DYNC2I1: variants seen among roughly 807,000 people sequenced by gnomAD.
DYNC2I1 encodes cytoplasmic dynein 2 intermediate chain 1.
A neutral mutation model predicts 133.4 loss-of-function variants in DYNC2I1; 89 were observed. The ratio of observed to expected loss-of-function variants is 0.67; its 90% CI spans 0.56 to 0.80. The LOEUF (loss-of-function observed/expected upper bound fraction) is 0.80, where lower values mean the gene tolerates loss of function less well. Ranked by LOEUF, DYNC2I1 falls within the 30% of genes least tolerant of loss-of-function variation. The pLI, the probability that DYNC2I1 is intolerant of heterozygous loss-of-function variation, is 0.00. For synonymous variants in DYNC2I1, 504 were observed against 484.3 expected, an observed-to-expected ratio of 1.04 and a Z score of -0.54; for missense variants, 1,291 against 1,314.5, an observed-to-expected ratio of 0.98 and a Z score of 0.28.
chr7:158,921,603 TG>T (rs1849101013), intron 15 of DYNC2I1, among the ~76,000 whole-genome samples: 1 of 151,862 alleles, frequency 6.6e-6, no homozygotes, highest in Non-Finnish European at 1.5e-5. Flanking sequence ...TGTGACGAGG[TG>T]GAAGGAGGGT....
intron 11 of DYNC2I1, among the ~76,000 whole-genome samples, chr7:158,910,022 A>G (rs948255720): frequency 6.6e-6 from 1 of 152,068 alleles, no homozygotes; most frequent in Non-Finnish European, 1.5e-5. Context: ...CGGGTCGTTC[A>G]CTCGGTCATT....
At chr7:158,948,202 G>T (rs1361856735), downstream of DYNC2I1, among the ~76,000 whole-genome samples, 2 of 152,204 alleles carry the variant, frequency 1.3e-5, no homozygotes, top group African/African-American at 4.8e-5. Context: ...CGTGGCAAGA[G>T]GTGGGCCGAC....
chr7:158,937,470 C>G (rs1300505615), intron 23 of DYNC2I1, among the ~76,000 whole-genome samples: 1 of 151,886 alleles, frequency 6.6e-6, no homozygotes, highest in South Asian at 2.1e-4. Context: ...ACTAAAAATA[C>G]AAAAAATTAG....
downstream of DYNC2I1, among the ~76,000 whole-genome samples, chr7:158,947,841 C>T (rs895438166): frequency 1.3e-5 from 2 of 152,250 alleles, no homozygotes; most frequent in African/African-American, 4.8e-5. Flanking sequence ...GCCTCGGAAG[C>T]ACCTGTGGCC....
At chr7:158,923,245 T>C (rs116305650) in intron 16 of DYNC2I1, among the ~76,000 whole-genome samples, 25 of 152,332 alleles carry the variant, frequency 1.6e-4, no homozygotes, top group African/African-American at 5.8e-4. Context: ...TGGCGCAGGA[T>C]GGAACTGCTA....
At chr7:158,898,281 A>G (rs1428776272) in intron 8 of DYNC2I1, among the ~76,000 whole-genome samples, 2 of 152,138 alleles carry the variant, frequency 1.3e-5, no homozygotes, top group Admixed American at 6.6e-5. Context: ...GAGTTCAGCT[A>G]TATCCTTACT....
chr7:158,853,904 C>A (rs1436049779), upstream of DYNC2I1, among the ~76,000 whole-genome samples: 1 of 152,074 alleles, frequency 6.6e-6, no homozygotes, highest in Non-Finnish European at 1.5e-5. Flanking sequence ...CTGCCTGCCT[C>A]AGCCTCCCAA....
intron 23 of DYNC2I1, among the ~76,000 whole-genome samples, chr7:158,937,760 A>C (rs916520928): frequency 6.6e-6 from 1 of 152,034 alleles, no homozygotes; most frequent in Non-Finnish European, 1.5e-5. Context: ...AAAATTAAAA[A>C]ATTTGCCAAG....
At chr7:158,883,097 A>G (rs544744263) in intron 5 of DYNC2I1, among the ~76,000 whole-genome samples, 64 of 152,194 alleles carry the variant, frequency 4.2e-4, no homozygotes, top group African/African-American at 1.4e-3. Context: ...GGTTACCGTA[A>G]AGTGCAAGGT....
At chr7:158,933,934 A>T (rs566641424) in intron 21 of DYNC2I1, among the ~76,000 whole-genome samples, 195 bp from the exon 22 acceptor site, 1 of 152,376 alleles carries the variant, frequency 6.6e-6, no homozygotes, top group Admixed American at 6.5e-5. Flanking sequence ...ATTAGGGAAC[A>T]GAAGGATAAC....
At position 158,915,124 on chromosome 7, in the gene DYNC2I1, G is replaced by A. The variant is rs957749081; in HGVS notation, c.1791+803G>A. On this transcript the variant is annotated intron_variant, in intron 14 of 24. Coordinates refer to ENST00000407559, the MANE Select transcript of DYNC2I1 (RefSeq NM_018051.5). Reference sequence around the variant, plus strand: ...ACATTAAGGATGATTGTAAAACCTTGACACGCTGGTTGAGATTAAGGATGA... The same window carrying A: ...ACATTAAGGATGATTGTAAAACCTTAACACGCTGGTTGAGATTAAGGATGA... Among the ~76,000 whole-genome samples the A allele has an allele frequency of 2.1e-3, 310 of 151,122 alleles. 5 individuals carry two copies. Among genetic ancestry groups the A allele is most frequent in the African/African-American group, 6.8e-3 (277 of 40,970 alleles).
At chr7:158,921,162 A>AG (rs1849039717) in intron 15 of DYNC2I1, among the ~76,000 whole-genome samples, 1 of 152,294 alleles carries the variant, frequency 6.6e-6, no homozygotes, top group Admixed American at 6.5e-5. Context: ...AAGGAGAAAA[A>AG]TAAAGACAGT....
Position 158,922,493 on chromosome 7 carries a change from G to A in DYNC2I1, c.2038G>A (p.Val680Met). ...GCTGGACAGCAAATACGTCCTCTGTGTGTGGGATATTTGGCAGCCTTCAGG... is the reference window on the plus strand; with the variant it reads ...GCTGGACAGCAAATACGTCCTCTGTATGTGGGATATTTGGCAGCCTTCAGG... ...PLLDSKYVLCVWDIWQPSGPQ... is the reference protein window; with the variant it reads ...PLLDSKYVLCMWDIWQPSGPQ... Residue 680 changes from valine (V) to methionine (M), a missense_variant, in exon 16 of 25, where the codon GTG (valine) becomes ATG (methionine). Val to Met is a conservative substitution (Grantham distance 21, BLOSUM62 1). Coordinates refer to ENST00000407559, the MANE Select transcript of DYNC2I1 (RefSeq NM_018051.5). The A allele has an allele frequency of 6.2e-7, 1 of 1,613,988 alleles. No homozygotes were observed. The highest frequency in any genetic ancestry group is 1.1e-5 in the South Asian group (1 of 91,078).
Position 158,884,616 on chromosome 7 carries a change from G to A in DYNC2I1, c.932G>A (p.Ser311Asn), listed in dbSNP as rs764911627. The part of the protein sequence containing the change: ...GASSKRDGTS[S>N]QHAENLVRNH... Reference sequence around the variant, plus strand: ...AGCTCAAAAAGAGATGGGACCAGCAGCCAGTAAGGATTGCATGCCCTGTGG... The same window carrying A: ...AGCTCAAAAAGAGATGGGACCAGCAACCAGTAAGGATTGCATGCCCTGTGG... Residue 311 changes from serine (S) to asparagine (N), a missense_variant, in exon 6 of 25, where the codon AGC becomes AAC. Ser to Asn is a conservative substitution (Grantham distance 46, BLOSUM62 1). Transcript: ENST00000407559. 5.0e-5 allele frequency: 80 copies of A among 1,613,066 alleles called. No individual in the cohort carries two copies. The highest frequency in any genetic ancestry group is 2.1e-5 in the Non-Finnish European group (25 of 1,179,538).
chr7:158,899,251 A>G (rs1233700025), intron 8 of DYNC2I1, among the ~76,000 whole-genome samples: 1 of 152,036 alleles, frequency 6.6e-6, no homozygotes, highest in African/African-American at 2.4e-5. Context: ...TATTTTTCCA[A>G]ATATTTTTGG....
chr7:158,887,675 C>T (rs887043608), intron 7 of DYNC2I1, among the ~76,000 whole-genome samples: 1 of 152,162 alleles, frequency 6.6e-6, no homozygotes, highest in Non-Finnish European at 1.5e-5. Context: ...CAAGACATTG[C>T]GTTTGTGTTA....
chr7:158,869,227 C>T (rs1336536895), intron 1 of DYNC2I1, among the ~76,000 whole-genome samples: 1 of 144,722 alleles, frequency 6.9e-6, no homozygotes, highest in African/African-American at 2.5e-5. Flanking sequence ...CCTCTGGGCC[C>T]GTGGCTGTGG....
rs41271211 is a variant in DYNC2I1 at position 158,901,989 on chromosome 7, A to G, written c.1137+173A>G. Among the ~76,000 whole-genome samples, 1,297 of 152,296 alleles carry G rather than the reference A, an allele frequency of 8.5e-3. 10 individuals are homozygous for G. The highest frequency in any genetic ancestry group is 0.015 in the Non-Finnish European group (1,030 of 68,022). ...CCTGTAAAATGCTTGCTATACTTCT[A>G]CTAATACTTACCAATATGATGTAAT... On this transcript the variant is annotated intron_variant, in intron 9 of 24. Coordinates refer to ENST00000407559, the MANE Select transcript of DYNC2I1 (RefSeq NM_018051.5).
At chr7:158,855,512 A>G (rs79509859), upstream of DYNC2I1, among the ~76,000 whole-genome samples, 944 of 152,356 alleles carry the variant, frequency 6.2e-3, 63 homozygotes, top group East Asian at 0.13. Flanking sequence ...TCTTGTGGCT[A>G]ACATCAGTCC....
Sources: gnomAD v4.1 joint callset for allele counts (sites outside exome capture counted in the v4.1 genomes callset) on GRCh38, gnomAD v4.1.1 for gene constraint, MANE v1.5 for transcripts, NCBI Gene and HGNC (gene_info 2026-07-23, HGNC 2026-07-21) for gene names.